Variants in KAT6B observed in about 807,000 individuals in gnomAD.
The protein encoded by KAT6B is histone acetyltransferase KAT6B.
A neutral mutation model predicts 187.5 loss-of-function variants in KAT6B; 10 were observed. The ratio of observed to expected loss-of-function variants is 0.05; its 90% CI spans 0.03 to 0.09. The LOEUF is 0.09. Among genes scored for constraint, KAT6B ranks in the 10% least tolerant of loss-of-function variants. The pLI is 1.00. For missense variants in KAT6B, 1,952 were observed against 2,558.9 expected, an observed-to-expected ratio of 0.76 and a Z score of 5.12; for synonymous variants, 861 against 926.8, an observed-to-expected ratio of 0.93 and a Z score of 1.29.
At chr10:74,868,992 G>T (rs1357676782) in intron 3 of KAT6B, among the ~76,000 whole-genome samples, 1 of 152,142 alleles carries the variant, frequency 6.6e-6, no homozygotes, top group Non-Finnish European at 1.5e-5. Flanking sequence ...CTGAACCACA[G>T]TTTTACAATG....
At chr10:74,866,215 T>C (rs1341795718) in intron 3 of KAT6B, among the ~76,000 whole-genome samples, 1 of 152,002 alleles carries the variant, frequency 6.6e-6, no homozygotes, top group Non-Finnish European at 1.5e-5. Context: ...ATTAATGTTA[T>C]TGTTCTTCAA....
intron 3 of KAT6B, among the ~76,000 whole-genome samples, chr10:74,877,022 A>G (rs1288126877): frequency 6.6e-6 from 1 of 151,946 alleles, no homozygotes; most frequent in Non-Finnish European, 1.5e-5. Flanking sequence ...GCTGGAGCGC[A>G]ATGGTGCAAT....
At chr10:74,836,482 T>C (rs1319280240) in intron 1 of KAT6B, among the ~76,000 whole-genome samples, 3 of 152,248 alleles carry the variant, frequency 2.0e-5, no homozygotes, top group African/African-American at 7.2e-5. Context: ...CAGGGCTGCA[T>C]GCAGGGAGCA....
chr10:74,982,239 C>A, intron 11 of KAT6B: 1 of 342,768 alleles, frequency 2.9e-6, no homozygotes, highest in Non-Finnish European at 5.6e-6. Context: ...CTTTCTTTGG[C>A]AGGAGAAATG....
intron 12 of KAT6B, among the ~76,000 whole-genome samples, chr10:74,988,702 A>G (rs147373251): frequency 1.9e-4 from 29 of 152,320 alleles, no homozygotes; most frequent in African/African-American, 6.7e-4. Flanking sequence ...CTCTGAAGTT[A>G]TTTGAGCAAG....
chr10:74,832,152 G>A (rs1840909830), intron 1 of KAT6B, among the ~76,000 whole-genome samples: 1 of 152,202 alleles, frequency 6.6e-6, no homozygotes, highest in Non-Finnish European at 1.5e-5. Flanking sequence ...GTATACCAGT[G>A]TATATGGGTA....
chr10:74,917,472 A>T (rs1847776129), intron 3 of KAT6B, among the ~76,000 whole-genome samples: 1 of 152,124 alleles, frequency 6.6e-6, no homozygotes. Flanking sequence ...AAAGATTCTA[A>T]TCCTTTCTTT....
intron 13 of KAT6B, among the ~76,000 whole-genome samples, chr10:75,006,847 G>A (rs1287601534): frequency 2.2e-3 from 4 of 1,818 alleles, no homozygotes; most frequent in African/African-American, 9.1e-3. Flanking sequence ...CAGGCGGATT[G>A]CCTGAGCTCA....
At chr10:74,956,713 C>G (rs1840718111) in intron 3 of KAT6B, among the ~76,000 whole-genome samples, 1 of 152,180 alleles carries the variant, frequency 6.6e-6, no homozygotes, top group Non-Finnish European at 1.5e-5. Flanking sequence ...AGATAATACT[C>G]ATACCGGGCA....
intron 14 of KAT6B, 35 bp from the exon 15 acceptor site, chr10:75,021,091 G>C (rs770559804): frequency 2.6e-5 from 41 of 1,604,358 alleles, no homozygotes; most frequent in Non-Finnish European, 3.1e-5. Context: ...ATTTCAGCTT[G>C]TGATTACATC....
intron 7 of KAT6B, among the ~76,000 whole-genome samples, chr10:74,972,975 A>G (rs981609627): frequency 6.6e-6 from 1 of 152,206 alleles, no homozygotes; most frequent in South Asian, 2.1e-4. Context: ...AAATATTTTC[A>G]TAGGAATTTT....
intron 3 of KAT6B, among the ~76,000 whole-genome samples, chr10:74,924,891 C>G (rs975406503): frequency 6.6e-6 from 1 of 151,746 alleles, no homozygotes; most frequent in Admixed American, 6.6e-5. Context: ...GTTTGCTATA[C>G]TGAATTTTTT....
At chr10:74,841,068 T>C (rs1841711750) in intron 2 of KAT6B, among the ~76,000 whole-genome samples, 1 of 152,266 alleles carries the variant, frequency 6.6e-6, no homozygotes, top group Non-Finnish European at 1.5e-5. Context: ...GAATATTAGA[T>C]AATGTGTTTA....
At chr10:74,979,031 GA>G (rs201992917) in intron 9 of KAT6B, among the ~76,000 whole-genome samples, 192 bp from the exon 10 acceptor site, 6 of 152,018 alleles carry the variant, frequency 3.9e-5, no homozygotes, top group Admixed American at 6.6e-5. Flanking sequence ...TTTTGCCATT[GA>G]AAAAATTATA....
intron 3 of KAT6B, among the ~76,000 whole-genome samples, chr10:74,921,375 A>C (rs529668250): frequency 6.6e-6 from 1 of 151,932 alleles, no homozygotes; most frequent in Non-Finnish European, 1.5e-5. Context: ...TGAACTCCCA[A>C]AGTGCTGGGA....
chr10:74,945,590 G>C (rs1423168622), intron 3 of KAT6B, among the ~76,000 whole-genome samples: 1 of 151,908 alleles, frequency 6.6e-6, no homozygotes, highest in Non-Finnish European at 1.5e-5. Context: ...ACCTGAGTGA[G>C]GGATTACAGC....
intron 4 of KAT6B, among the ~76,000 whole-genome samples, chr10:74,960,850 G>A (rs760355426): frequency 1.1e-4 from 17 of 152,172 alleles, no homozygotes; most frequent in African/African-American, 3.4e-4. Flanking sequence ...CAGTGTTATG[G>A]TTTAGCATGT....
chr10:75,021,031 C>T lies in KAT6B; in HGVS notation c.2862-95C>T, dbSNP rs374974908. 3.0e-5 allele frequency: 38 copies of T among 1,257,968 alleles called. No homozygotes were observed. In the Admixed American group the frequency reaches 4.7e-4, roughly 16 times the overall value. 77.9% of individuals were successfully genotyped at this position (1,257,968 alleles called of 1,614,324 possible). ...TGAGGTGCTTTCTGATTTTTCCTAACGCAGATAACATTAGTGCTAGCATAT... is the reference window on the plus strand; with the variant it reads ...TGAGGTGCTTTCTGATTTTTCCTAATGCAGATAACATTAGTGCTAGCATAT... On this transcript the variant is annotated intron_variant, in intron 14 of 17. Coordinates refer to ENST00000287239, the MANE Select transcript of KAT6B (RefSeq NM_012330.4).
intron 3 of KAT6B, among the ~76,000 whole-genome samples, chr10:74,941,369 A>G (rs1171498842): frequency 6.6e-6 from 1 of 152,260 alleles, no homozygotes; most frequent in Non-Finnish European, 1.5e-5. Flanking sequence ...TGCCAATAAC[A>G]TTACAAGTAA....
Sources: gnomAD v4.1 joint callset for allele counts (sites outside exome capture counted in the v4.1 genomes callset) on GRCh38, gnomAD v4.1.1 for gene constraint, MANE v1.5 for transcripts, NCBI Gene and HGNC (gene_info 2026-07-23, HGNC 2026-07-21) for gene names.